Variants in FAM107B observed in about 807,000 individuals in gnomAD.
The protein encoded by FAM107B is protein FAM107B.
Under a neutral mutation model 31.5 loss-of-function variants are expected in FAM107B, and 21 were observed. The ratio of observed to expected loss-of-function variants is 0.67; its 90% CI spans 0.47 to 0.96. FAM107B has a LOEUF of 0.96. Ranked by LOEUF, FAM107B falls within the 40% of genes least tolerant of loss-of-function variation. The pLI is 0.00. For synonymous variants in FAM107B, 157 were observed against 141.5 expected (o/e 1.11, Z -0.78); for missense variants, 452 against 377.1 (o/e 1.20, Z -1.64).
intron 2 of FAM107B, among the ~76,000 whole-genome samples, chr10:14,657,803 C>G (rs1854105134): frequency 6.6e-6 from 1 of 151,200 alleles, no homozygotes; most frequent in Admixed American, 6.7e-5. Context: ...CATGTTGCCA[C>G]CTTCACTTTT....
rs554312255 is a variant in FAM107B, at chr10:14,604,914, TTCTC to T, written c.469+62716_469+62719del. Among the ~76,000 whole-genome samples, 21 of 152,196 alleles carry T rather than the reference TTCTC, an allele frequency of 1.4e-4. No individual in the cohort carries two copies. The East Asian group carries it at 4.1e-3, about 30-fold the overall frequency. ...CCTCTGTCTCATTCTTTCATTCTCTTTCTCTCTCTGTGCTCACCCCCATCTCTCT... is the reference window on the plus strand; with the variant it reads ...CCTCTGTCTCATTCTTTCATTCTCTTTCTCTGTGCTCACCCCCATCTCTCT... On this transcript the variant is annotated intron_variant, in intron 2 of 4. Transcript: ENST00000181796.
At chr10:14,592,127 T>C (rs1421882512) in intron 2 of FAM107B, among the ~76,000 whole-genome samples, 1 of 152,206 alleles carries the variant, frequency 6.6e-6, no homozygotes, top group Non-Finnish European at 1.5e-5. Context: ...GCTTCCCCGA[T>C]CCCGTGCCAT....
intron 2 of FAM107B, among the ~76,000 whole-genome samples, chr10:14,646,028 A>G (rs1430980301): frequency 3.3e-5 from 5 of 152,124 alleles, no homozygotes; most frequent in African/African-American, 1.2e-4. Context: ...ACCACTCTGC[A>G]AGGTTGGTTA....
intron 2 of FAM107B, among the ~76,000 whole-genome samples, chr10:14,631,677 C>G (rs1002629531): frequency 1.1e-4 from 16 of 152,148 alleles, no homozygotes; most frequent in African/African-American, 3.9e-4. Context: ...CCTTCTCTAA[C>G]CTCCTGGGTC....
At chr10:14,651,444 A>G (rs540517833) in intron 2 of FAM107B, among the ~76,000 whole-genome samples, 3 of 152,262 alleles carry the variant, frequency 2.0e-5, no homozygotes, top group Non-Finnish European at 2.9e-5. Flanking sequence ...CGTCACTACT[A>G]AAAATACAAA....
intron 2 of FAM107B, among the ~76,000 whole-genome samples, chr10:14,665,279 C>G (rs1854376210): frequency 6.6e-6 from 1 of 152,202 alleles, no homozygotes; most frequent in Admixed American, 6.5e-5. Context: ...AAATCTTTAC[C>G]ACTTTGCTGA....
At chr10:14,728,979 A>T (rs191420342) in intron 1 of FAM107B, among the ~76,000 whole-genome samples, 1 of 152,246 alleles carries the variant, frequency 6.6e-6, no homozygotes, top group Non-Finnish European at 1.5e-5. Context: ...CAACTCTTCA[A>T]GTTAGATAGA....
chr10:14,549,029 T>A (rs1849005521), intron 2 of FAM107B, among the ~76,000 whole-genome samples: 1 of 152,140 alleles, frequency 6.6e-6, no homozygotes, highest in African/African-American at 2.4e-5. Context: ...TCCTTCTTTC[T>A]CAATCTCTCT....
chr10:14,571,923 C>A (rs1473484796), intron 2 of FAM107B: 1 of 985,320 alleles, frequency 1.0e-6, no homozygotes, highest in Non-Finnish European at 1.2e-6. Context: ...CCTAACCTCA[C>A]CTCAGTAGAT....
Position 14,530,323 on chromosome 10 carries a change from C to A in FAM107B, c.653+9G>T. ...TTAAAAAAAAAATATGCTCAAGAAA[C>A]CATTTTACCTTTTTTGATTCATAAG... On this transcript the variant is annotated intron_variant, in intron 3 of 4. Transcript: ENST00000181796. The A allele has an allele frequency of 6.3e-7, 1 of 1,598,134 alleles. No homozygotes were observed. Among genetic ancestry groups the A allele is most frequent in the Non-Finnish European group, 8.5e-7 (1 of 1,175,404 alleles).
At chr10:14,618,151 G>C (rs543875672) in intron 2 of FAM107B, among the ~76,000 whole-genome samples, 31 of 152,252 alleles carry the variant, frequency 2.0e-4, no homozygotes, top group Admixed American at 4.6e-4. Flanking sequence ...GCAACATGAA[G>C]GGTATTATAC....
At chr10:14,621,808 A>G (rs1017402815) in intron 2 of FAM107B, among the ~76,000 whole-genome samples, 9 of 151,452 alleles carry the variant, frequency 5.9e-5, no homozygotes, top group African/African-American at 2.0e-4. Context: ...TTAGCTGCTG[A>G]AAGCGGAGTA....
intron 2 of FAM107B, among the ~76,000 whole-genome samples, chr10:14,564,439 G>A (rs2131200425): frequency 6.6e-6 from 1 of 151,130 alleles, no homozygotes; most frequent in Non-Finnish European, 1.5e-5. Context: ...AGGTTTGTGA[G>A]GAAACAGTGC....
chr10:14,767,600 A>T, intron 1 of FAM107B, among the ~76,000 whole-genome samples: 1 of 151,832 alleles, frequency 6.6e-6, no homozygotes, highest in Non-Finnish European at 1.5e-5. Flanking sequence ...GTGAAAAAAA[A>T]TTAACAAAAT....
intron 1 of FAM107B, among the ~76,000 whole-genome samples, chr10:14,741,016 C>T (rs1856424371): frequency 6.6e-6 from 1 of 152,012 alleles, no homozygotes. Context: ...TACAACAGGA[C>T]CTGATTGGGC....
intron 1 of FAM107B, among the ~76,000 whole-genome samples, chr10:14,742,270 C>A (rs1310492226): frequency 6.7e-6 from 1 of 149,374 alleles, no homozygotes; most frequent in South Asian, 2.1e-4. Context: ...GTGCATGCCA[C>A]CACACCCAGC....
intron 1 of FAM107B, among the ~76,000 whole-genome samples, chr10:14,769,689 A>T (rs1833257275): frequency 6.6e-6 from 1 of 152,032 alleles, no homozygotes; most frequent in East Asian, 1.9e-4. Flanking sequence ...CCCGGCCACA[A>T]TTGGCTCTTT....
In FAM107B at chr10:14,754,879, C is replaced by G. The variant is rs368439931; in HGVS notation, c.411+19374G>C. ...TTACATCCTGAATATTCACAAACAT[C>G]TTTCCTTTTAAAATTATCAAGTCAA... is the stretch of plus-strand genomic sequence containing the variant. On this transcript the variant is annotated intron_variant, in intron 1 of 4. Transcript: ENST00000181796. 7.9e-5 allele frequency among the ~76,000 whole-genome samples: 12 copies of G among 152,294 alleles called. No individual in the cohort carries two copies. The South Asian group carries it at 1.7e-3, about 21-fold the overall frequency.
At chr10:14,554,321 A>C (rs1849515403) in intron 2 of FAM107B, 1 of 187,692 alleles carries the variant, frequency 5.3e-6, no homozygotes, top group Non-Finnish European at 9.9e-6. Flanking sequence ...AAAGGAAGGG[A>C]GGTGAGTGCT....
Sources: allele counts gnomAD v4.1 joint callset (sites outside exome capture counted in the v4.1 genomes callset), GRCh38; gene constraint gnomAD v4.1.1; transcripts MANE v1.5; gene names NCBI Gene and HGNC (gene_info 2026-07-23, HGNC 2026-07-21).